The following NSRP1 variants were observed in gnomAD, a reference collection of about 807,000 sequenced individuals.
NSRP1 encodes coiled-coil domain containing 55.
In NSRP1, 24 loss-of-function variants were observed where a neutral mutation model predicts 54.7. That is an observed-to-expected ratio of 0.44 (90% confidence interval 0.32 to 0.62). NSRP1 has a LOEUF of 0.62. NSRP1 is among the 20% of genes least tolerant of loss of function. The probability of loss-of-function intolerance (pLI) is 0.06; values close to 1 mark genes in which losing one functional copy is unlikely to be tolerated. For missense variants in NSRP1, 596 were observed against 651.2 expected (o/e 0.92, Z 0.92); for synonymous variants, 210 against 213.8 (o/e 0.98, Z 0.15).
intron 2 of NSRP1, among the ~76,000 whole-genome samples, chr17:30,158,229 T>C (rs1319147438): frequency 6.6e-6 from 1 of 152,130 alleles, no homozygotes; most frequent in Non-Finnish European, 1.5e-5. Flanking sequence ...GTGATTAGCA[T>C]TTTTTCATAT....
chr17:30,160,050 G>A (rs111365490), intron 2 of NSRP1, among the ~76,000 whole-genome samples: 90 of 152,224 alleles, frequency 5.9e-4, no homozygotes, highest in Non-Finnish European at 1.1e-3. Context: ...TGCCCCAATT[G>A]AGATGATCAT....
At chr17:30,153,007 A>G (rs535376743) in intron 2 of NSRP1, among the ~76,000 whole-genome samples, 1 of 141,262 alleles carries the variant, frequency 7.1e-6, no homozygotes, top group East Asian at 2.1e-4. Context: ...TCTGTCTCCC[A>G]GGTTCAAGTG....
chr17:30,130,296 A>G (rs1398952708), intron 2 of NSRP1, among the ~76,000 whole-genome samples: 1 of 151,852 alleles, frequency 6.6e-6, no homozygotes, highest in Non-Finnish European at 1.5e-5. Context: ...ACAGAGTCTC[A>G]CTATGTTGCC....
At chr17:30,132,071 A>AC (rs1406983569) in intron 2 of NSRP1, among the ~76,000 whole-genome samples, 1 of 151,588 alleles carries the variant, frequency 6.6e-6, no homozygotes. Context: ...ACATGGTGAA[A>AC]CCCCGTCTCT....
intron 2 of NSRP1, among the ~76,000 whole-genome samples, chr17:30,149,951 G>T (rs1233976397): frequency 1.3e-5 from 2 of 151,972 alleles, no homozygotes; most frequent in African/African-American, 4.8e-5. Flanking sequence ...CTGATCATTA[G>T]CAGTCACTCC....
chr17:30,178,836 AAG>A (rs1265928478), intron 4 of NSRP1, among the ~76,000 whole-genome samples: 5 of 152,100 alleles, frequency 3.3e-5, no homozygotes, highest in South Asian at 2.1e-4. Flanking sequence ...TACCAGAAAA[AAG>A]AAAAAAATTA....
At chr17:30,142,918 A>C (rs2071819067) in intron 2 of NSRP1, among the ~76,000 whole-genome samples, 1 of 152,174 alleles carries the variant, frequency 6.6e-6, no homozygotes, top group Admixed American at 6.6e-5. Flanking sequence ...GTCCATAATT[A>C]CATTTTTGAG....
chr17:30,121,907 G>A (rs1231447056), intron 2 of NSRP1, among the ~76,000 whole-genome samples: 1 of 151,978 alleles, frequency 6.6e-6, no homozygotes, highest in Non-Finnish European at 1.5e-5. Flanking sequence ...CATCACCACT[G>A]TTTAGAACAT....
chr17:30,116,945 G>C, intron 1 of NSRP1, 82 bp downstream of exon 1: 12 of 1,499,718 alleles, frequency 8.0e-6, no homozygotes, highest in East Asian at 2.4e-5. Flanking sequence ...TTTTAAATGC[G>C]CTGGAAGTGA....
chr17:30,159,265 T>C (rs1904424785), intron 2 of NSRP1, among the ~76,000 whole-genome samples: 1 of 152,212 alleles, frequency 6.6e-6, no homozygotes, highest in Admixed American at 6.5e-5. Context: ...CTCTAGTTTG[T>C]TGCTAGTATA....
rs748540744 is a variant in NSRP1 at position 30,179,233 on chromosome 17, T to C, written c.444T>C (p.Tyr148=). Residue 148 remains tyrosine (Y), a synonymous_variant, in exon 5 of 7, where the codon TAT becomes TAC. Coordinates refer to ENST00000247026, the MANE Select transcript of NSRP1 (RefSeq NM_032141.4). ...DDKEAFVTSA[Y]KKKLQERAEE... ...AAGAAGCATTTGTGACATCTGCATA[T>C]AAGAAAAAACTGCAAGAGAGAGCTG... The C allele has an allele frequency of 1.2e-6, 2 of 1,609,476 alleles. No individual in the cohort carries two copies. The highest frequency in any genetic ancestry group is 2.2e-5 in the South Asian group (2 of 90,084).
chr17:30,144,355 G>A (rs1366027532), intron 2 of NSRP1, among the ~76,000 whole-genome samples: 1 of 151,424 alleles, frequency 6.6e-6, no homozygotes, highest in Non-Finnish European at 1.5e-5. Context: ...CTGCCTCCCA[G>A]GTTCAAGAGA....
chr17:30,139,806 T>C (rs4592712), intron 2 of NSRP1, among the ~76,000 whole-genome samples: 62,252 of 151,540 alleles, frequency 0.41, 14,182 homozygotes, highest in East Asian at 0.81. Flanking sequence ...GGGCGGATCA[T>C]GAGGTCAGGA....
chr17:30,170,952 T>A (rs1904909516), intron 2 of NSRP1, among the ~76,000 whole-genome samples: 1 of 152,202 alleles, frequency 6.6e-6, no homozygotes, highest in African/African-American at 2.4e-5. Context: ...ATTTTTTGAC[T>A]TTTTTAGAAT....
chr17:30,175,474 C>T (rs902268630), intron 3 of NSRP1, among the ~76,000 whole-genome samples: 1 of 151,724 alleles, frequency 6.6e-6, no homozygotes, highest in Non-Finnish European at 1.5e-5. Context: ...TTGCTCTGTA[C>T]CTAGGCTGGA....
intron 2 of NSRP1, among the ~76,000 whole-genome samples, chr17:30,166,944 G>A (rs2143007370): frequency 6.6e-6 from 1 of 152,024 alleles, no homozygotes; most frequent in Non-Finnish European, 1.5e-5. Flanking sequence ...AAAAAGGATA[G>A]TCACCTTACT....
chr17:30,121,550 G>A (rs1352701398), intron 2 of NSRP1, among the ~76,000 whole-genome samples: 4 of 144,528 alleles, frequency 2.8e-5, no homozygotes, highest in African/African-American at 1.0e-4. Context: ...AATTCACTGT[G>A]TGTGTGCGTG....
chr17:30,168,923 C>T (rs1012978205), intron 2 of NSRP1: 3 of 151,904 alleles, frequency 2.0e-5, no homozygotes, highest in African/African-American at 4.8e-5. Context: ...CTGACTTTTT[C>T]AGGTTAGGTT....
intron 5 of NSRP1, among the ~76,000 whole-genome samples, chr17:30,180,375 C>G (rs982187656): frequency 6.6e-6 from 1 of 151,946 alleles, no homozygotes. Context: ...AGGTTGGTCT[C>G]GAACTCCTGA....
Sources: allele counts gnomAD v4.1 joint callset (sites outside exome capture counted in the v4.1 genomes callset), GRCh38; gene constraint gnomAD v4.1.1; transcripts MANE v1.5; gene names NCBI Gene and HGNC (gene_info 2026-07-23, HGNC 2026-07-21).